ZNF507: variants seen among roughly 807,000 people sequenced by gnomAD.
ZNF507 encodes zinc finger protein 507.
A neutral mutation model predicts 80.0 loss-of-function variants in ZNF507; 29 were observed. The observed-to-expected ratio is 0.36, with a 90% confidence interval of 0.27 to 0.49. ZNF507 has a LOEUF of 0.49. Ranked by LOEUF, ZNF507 falls within the 20% of genes least tolerant of loss-of-function variation. ZNF507 has a pLI of 0.98. For synonymous variants in ZNF507, 462 were observed against 422.5 expected (o/e 1.09, Z -1.15); for missense variants, 1,081 against 1,152.2 (o/e 0.94, Z 0.90).
intron 5 of ZNF507, among the ~76,000 whole-genome samples, chr19:32,372,513 G>A (rs1301480489): frequency 3.3e-5 from 5 of 151,930 alleles, no homozygotes; most frequent in Non-Finnish European, 7.4e-5. Context: ...CAGTTCTGCA[G>A]GCCGAAAAGT....
intron 5 of ZNF507, among the ~76,000 whole-genome samples, chr19:32,376,124 G>A (rs746357674): frequency 2.0e-5 from 3 of 152,072 alleles, no homozygotes; most frequent in East Asian, 1.9e-4. Context: ...ATACTTTATT[G>A]TAGAAAGTTT....
intron 4 of ZNF507, chr19:32,357,038 G>A (rs1967262103): frequency 4.1e-6 from 1 of 244,154 alleles, no homozygotes; most frequent in Non-Finnish European, 8.0e-6. Flanking sequence ...GCTACAACAT[G>A]GAAAACAGGC....
In ZNF507 at chr19:32,353,749, A is replaced by G; in HGVS notation, c.919A>G (p.Ile307Val). ...AAPGGVDAVV[I>V]AIGESELSIH... ...GCCTGGTGGGGTCGATGCAGTCGTC[A>G]TTGCTATTGGAGAGAGTGAACTGAG... Residue 307 changes from isoleucine (I) to valine (V), a missense_variant, in exon 3 of 7, where the codon ATT (isoleucine) becomes GTT (valine). Coordinates refer to ENST00000355898, the MANE Select transcript of ZNF507 (RefSeq NM_001136156.2). The G allele has an allele frequency of 6.2e-7, 1 of 1,614,200 alleles. No homozygotes were observed. The highest frequency in any genetic ancestry group is 8.5e-7 in the Non-Finnish European group (1 of 1,180,042).
intron 5 of ZNF507, among the ~76,000 whole-genome samples, chr19:32,366,796 T>G (rs1035454505): frequency 1.3e-5 from 2 of 152,210 alleles, no homozygotes; most frequent in Admixed American, 1.3e-4. Flanking sequence ...GTGTCAACAG[T>G]TTTCCAAAAT....
At chr19:32,350,775 T>A (rs1283847057) in intron 2 of ZNF507, among the ~76,000 whole-genome samples, 3 of 152,342 alleles carry the variant, frequency 2.0e-5, no homozygotes, top group Non-Finnish European at 4.4e-5. Flanking sequence ...AGCCGTATCG[T>A]GTTCAGGAGG....
At chr19:32,367,936 A>G (rs370947872) in intron 5 of ZNF507, among the ~76,000 whole-genome samples, 24 of 152,328 alleles carry the variant, frequency 1.6e-4, no homozygotes, top group African/African-American at 5.3e-4. Flanking sequence ...TAAGCATTCA[A>G]TACGTGTCAG....
chr19:32,353,405 AG>A lies in ZNF507; in HGVS notation c.576del (p.Gln192HisfsTer3). 1 of 1,614,252 alleles carries A rather than the reference AG, an allele frequency of 6.2e-7. No individual in the cohort carries two copies. The highest frequency in any genetic ancestry group is 8.5e-7 in the Non-Finnish European group (1 of 1,180,046). ...ATCCACACCCAATCCAAAGCCCAAC[AG>A]TGCGTAAGCCCCTCCAGCTCTTTGT... ...ANIHTQSKAQQCVSPSSSLCR... is the reference protein window; with the variant it reads ...ANIHTQSKAQXCVSPSSSLCR... On this transcript the variant is annotated frameshift_variant, in exon 3 of 7. Transcript: ENST00000355898. LOFTEE classifies it high-confidence loss of function.
At position 32,353,413 on chromosome 19, in the gene ZNF507, A is replaced by C. The variant is rs1967199351; in HGVS notation, c.583A>C (p.Ser195Arg). 1 of 1,614,126 alleles carries C rather than the reference A, an allele frequency of 6.2e-7. No individual in the cohort carries two copies. The highest frequency in any genetic ancestry group is 1.7e-5 in the Admixed American group (1 of 60,006). The change falls in exon 3 of 7, where the codon AGC becomes CGC. Residue 195 changes from serine to arginine, a missense_variant. Around this residue, in one of 6 missense-constraint regions of ZNF507, gnomAD observed 275 missense variants for 303.9 expected, o/e 0.90. Transcript: ENST00000355898. ...CCAATCCAAAGCCCAACAGTGCGTA[A>C]GCCCCTCCAGCTCTTTGTGTCGGAA... ...HTQSKAQQCVSPSSSLCRKTT... is the reference protein window; with the variant it reads ...HTQSKAQQCVRPSSSLCRKTT...
intron 2 of ZNF507, among the ~76,000 whole-genome samples, chr19:32,349,505 T>G (rs1161889688): frequency 6.6e-6 from 1 of 152,262 alleles, no homozygotes; most frequent in African/African-American, 2.4e-5. Context: ...ACCATTGCGT[T>G]GTTTAAATGC....
At chr19:32,366,803 A>G (rs959746449) in intron 5 of ZNF507, among the ~76,000 whole-genome samples, 9 of 152,250 alleles carry the variant, frequency 5.9e-5, no homozygotes, top group African/African-American at 2.2e-4. Flanking sequence ...CAGTTTTCCA[A>G]AATGGTTGTA....
At position 32,353,799 on chromosome 19, in the gene ZNF507, A is replaced by G; in HGVS notation, c.969A>G (p.Gln323=). 2 of 1,614,220 alleles carry G rather than the reference A, an allele frequency of 1.2e-6. No individual in the cohort carries two copies. The highest frequency in any genetic ancestry group is 2.2e-5 in the East Asian group (1 of 44,882). ...ELSIHNGPSV[Q]VQICSSEQLS... ...GTATCCACAATGGGCCATCAGTGCA[A>G]GTGCAGATTTGCAGCTCAGAACAGT... is the stretch of plus-strand genomic sequence containing the variant. Residue 323 remains glutamine, a synonymous_variant, in exon 3 of 7, where the codon CAA becomes CAG. Transcript: ENST00000355898.
rs373266436 is a variant in ZNF507, at chr19:32,354,839, A to G, written c.2009A>G (p.Gln670Arg). The change falls in exon 3 of 7, where the codon CAG becomes CGG. Residue 670 changes from glutamine (Q) to arginine (R), a missense_variant. Gln to Arg is a conservative substitution (Grantham distance 43, BLOSUM62 1). Transcript: ENST00000355898. ...GTCCATCGACAGAGACAGCCTTATCAGTGTCCTATCTGCGAGCACATAGCG... is the reference window on the plus strand; with the variant it reads ...GTCCATCGACAGAGACAGCCTTATCGGTGTCCTATCTGCGAGCACATAGCG... ...LRVHRQRQPY[Q>R]CPICEHIADN... 6.2e-7 allele frequency: 1 copy of G among 1,614,224 alleles called. No homozygotes were observed. Among genetic ancestry groups the G allele is most frequent in the Non-Finnish European group, 8.5e-7 (1 of 1,180,042 alleles).
In ZNF507 at chr19:32,353,701, C is replaced by G. The variant is rs1432289783; in HGVS notation, c.871C>G (p.Leu291Val). Residue 291 changes from leucine (L) to valine (V), a missense_variant, in exon 3 of 7, where the codon CTG becomes GTG. Physicochemically the swap from Leu to Val is conservative, Grantham distance 32 (BLOSUM62 1). Coordinates refer to ENST00000355898, the MANE Select transcript of ZNF507 (RefSeq NM_001136156.2). ...AAATGAAAATGAACCCCTAGGCCTG[C>G]TGGATTCTTCAGCAGCTGCTGCGCC... ...FENENEPLGL[L>V]DSSAAAAPGG... 1.2e-6 allele frequency: 2 copies of G among 1,614,082 alleles called. No individual in the cohort carries two copies. The highest frequency in any genetic ancestry group is 4.5e-5 in the East Asian group (2 of 44,896).
rs143809236 is a variant in ZNF507 at position 32,354,821 on chromosome 19, G to T, written c.1991G>T (p.Arg664Leu). 2 of 1,613,998 alleles carry T rather than the reference G, an allele frequency of 1.2e-6. No individual in the cohort carries two copies. The highest frequency in any genetic ancestry group is 2.7e-5 in the African/African-American group (2 of 74,888). ...ATCAAGCAGCACTTACGAGTCCATC[G>T]ACAGAGACAGCCTTATCAGTGTCCT... ...GYIKQHLRVH[R>L]QRQPYQCPIC... Residue 664 changes from arginine to leucine, a missense_variant, in exon 3 of 7, where the codon CGA (arginine) becomes CTA (leucine). This residue lies in a region of ZNF507 where 614 missense variants were observed against 583.9 expected (regional missense o/e 1.05). Coordinates refer to ENST00000355898, the MANE Select transcript of ZNF507 (RefSeq NM_001136156.2).
At chr19:32,361,499 G>A (rs967914175) in intron 5 of ZNF507, among the ~76,000 whole-genome samples, 4 of 152,062 alleles carry the variant, frequency 2.6e-5, no homozygotes, top group Non-Finnish European at 5.9e-5. Context: ...GTATGGTTTC[G>A]AATATTTAAT....
Position 32,386,922 on chromosome 19 carries a change from A to C in ZNF507, c.*3839A>C, listed in dbSNP as rs538213283. 2.0e-5 allele frequency: 3 copies of C among 152,566 alleles called. No individual in the cohort carries two copies. The highest frequency in any genetic ancestry group is 7.2e-5 in the African/African-American group (3 of 41,574). 9.5% of individuals were successfully genotyped at this position (152,566 alleles called of 1,614,324 possible). A position where few individuals can be genotyped will look rare whatever the true frequency, so the allele number is the denominator to read the frequency against. On this transcript the variant is annotated 3_prime_UTR_variant, in exon 7 of 7. Coordinates refer to ENST00000355898, the MANE Select transcript of ZNF507 (RefSeq NM_001136156.2). ...CCTGGAAATGATGACTTTATTGCTT[A>C]GAAAGTTGTAAATAATTAAAAGCTT...
At chr19:32,361,101 G>A (rs913268145) in intron 5 of ZNF507, among the ~76,000 whole-genome samples, 2 of 152,116 alleles carry the variant, frequency 1.3e-5, no homozygotes, top group Non-Finnish European at 2.9e-5. Flanking sequence ...ATGCCTTAGA[G>A]TTCATTTCAG....
At position 32,386,996 on chromosome 19, in the gene ZNF507, T is replaced by A. The variant is rs918700064; in HGVS notation, c.*3913T>A. 8 of 152,238 alleles carry A rather than the reference T, an allele frequency of 5.3e-5. No individual in the cohort carries two copies. Among genetic ancestry groups the A allele is most frequent in the African/African-American group, 1.9e-4 (8 of 41,454 alleles). The allele number at this position is 152,238 out of a possible 1,614,324, so 9.4% of individuals were successfully genotyped here. ...GATGACTCTTGATAACTTGTTAATC[T>A]GTTGCTGACTAGCATTAGACTGTTA... On this transcript the variant is annotated 3_prime_UTR_variant, in exon 7 of 7. Coordinates refer to ENST00000355898, the MANE Select transcript of ZNF507 (RefSeq NM_001136156.2).
chr19:32,371,628 A>T (rs1459871244), intron 5 of ZNF507, among the ~76,000 whole-genome samples: 1 of 140,472 alleles, frequency 7.1e-6, no homozygotes, highest in Non-Finnish European at 1.5e-5. Context: ...TTAATTGTTT[A>T]TTATTATTAT....
Sources: gnomAD v4.1 joint callset for allele counts (sites outside exome capture counted in the v4.1 genomes callset) on GRCh38, gnomAD v4.1.1 for gene constraint, gnomAD v4.1.1 regional missense constraint, MANE v1.5 for transcripts, NCBI Gene and HGNC (gene_info 2026-07-23, HGNC 2026-07-21) for gene names.